Variants in LBR observed in about 807,000 individuals in gnomAD.
LBR encodes the protein delta(14)-sterol reductase LBR.
A neutral mutation model predicts 74.3 loss-of-function variants in LBR; 28 were observed. The observed-to-expected ratio is 0.38, with a 90% CI of 0.28 to 0.52. The LOEUF is 0.52. Among genes scored for constraint, LBR ranks in the 20% least tolerant of loss-of-function variants. The pLI is 0.89. For synonymous variants in LBR, 228 were observed against 269.3 expected (o/e 0.85, Z 1.50); for missense variants, 717 against 760.3 (o/e 0.94, Z 0.67).
chr1:225,414,557 G>A (rs3766929), intron 7 of LBR, among the ~76,000 whole-genome samples: 103,671 of 152,012 alleles, frequency 0.68, 37,923 homozygotes, highest in East Asian at 0.89. Context: ...CCCACAGGGA[G>A]CAAGGTCTAT....
Position 225,415,333 on chromosome 1 carries a change from CT to C in LBR, c.838-2del. ...CAATAAGAGGCGTTCCTTCTACAAC[CT>C]TAAAAGAAAAAAAATTTACAAATTT... On this transcript the variant is annotated splice_acceptor_variant, in intron 6 of 13. Coordinates refer to ENST00000272163, the MANE Select transcript of LBR (RefSeq NM_002296.4). LOFTEE classifies it high-confidence loss of function. 1 of 1,575,698 alleles carries C rather than the reference CT, an allele frequency of 6.3e-7. No homozygotes were observed. Among genetic ancestry groups the C allele is most frequent in the Non-Finnish European group, 8.7e-7 (1 of 1,149,080 alleles).
At chr1:225,407,369 A>G (rs1354646289) in intron 10 of LBR, among the ~76,000 whole-genome samples, 1 of 152,224 alleles carries the variant, frequency 6.6e-6, no homozygotes, top group Non-Finnish European at 1.5e-5. Flanking sequence ...AAGGAATAAG[A>G]TCACCAACTC....
chr1:225,419,780 T>A lies in LBR; in HGVS notation c.385A>T (p.Ile129Phe). 1.2e-6 allele frequency: 2 copies of A among 1,610,838 alleles called. No homozygotes were observed. The highest frequency in any genetic ancestry group is 1.7e-6 in the Non-Finnish European group (2 of 1,177,316). Residue 129 changes from isoleucine (I) to phenylalanine (F), a missense_variant, in exon 4 of 14, where the codon ATC (isoleucine) becomes TTC (phenylalanine). Transcript: ENST00000272163. Reference protein sequence around the residue: ...PLILKPFGNSISRYNGEPEHI... With the variant: ...PLILKPFGNSFSRYNGEPEHI... Reference sequence around the variant, plus strand: ...TCAGGCTCCCCATTATATCTGCTGATGCTATTTCCAAATGGCTTCTAAATT... The same window carrying A: ...TCAGGCTCCCCATTATATCTGCTGAAGCTATTTCCAAATGGCTTCTAAATT...
At chr1:225,404,912 A>C (rs938458006) in intron 11 of LBR, among the ~76,000 whole-genome samples, 1 of 152,150 alleles carries the variant, frequency 6.6e-6, no homozygotes, top group African/African-American at 2.4e-5. Flanking sequence ...ATTCTTAAGA[A>C]CAACTCAAAA....
chr1:225,417,151 G>A (rs1408253675), intron 6 of LBR, among the ~76,000 whole-genome samples: 2 of 152,038 alleles, frequency 1.3e-5, no homozygotes, highest in Non-Finnish European at 2.9e-5. Context: ...AATGACTGAA[G>A]GTCTTTATCA....
At chr1:225,410,467 T>G in intron 9 of LBR, 51 bp from the exon 10 acceptor site, 1 of 1,597,252 alleles carries the variant, frequency 6.3e-7, no homozygotes, top group South Asian at 1.1e-5. Context: ...CCCAGAGACC[T>G]TAGCACTACA....
At chr1:225,426,870 G>A (rs2096140214) in intron 1 of LBR, among the ~76,000 whole-genome samples, 1 of 152,146 alleles carries the variant, frequency 6.6e-6, no homozygotes, top group African/African-American at 2.4e-5. Flanking sequence ...TTCCCCTCCT[G>A]CTCGTTCTTC....
At chr1:225,407,006 T>A (rs2096093348) in intron 10 of LBR, among the ~76,000 whole-genome samples, 174 bp from the exon 11 acceptor site, 1 of 152,200 alleles carries the variant, frequency 6.6e-6, no homozygotes. Flanking sequence ...CTTTCTGCTG[T>A]CACATTCTCC....
upstream of LBR, among the ~76,000 whole-genome samples, chr1:225,428,541 G>A (rs2096145898): frequency 6.6e-6 from 1 of 152,218 alleles, no homozygotes; most frequent in African/African-American, 2.4e-5. Flanking sequence ...TCCTTAGCGT[G>A]TTAAAATCCC....
chr1:225,409,430 G>A (rs114017755), intron 10 of LBR, among the ~76,000 whole-genome samples: 3,716 of 152,246 alleles, frequency 0.024, 66 homozygotes, highest in Non-Finnish European at 0.037. Context: ...CAGGGGTGGG[G>A]GAGATACATA....
rs2096083366 is a variant in LBR, at chr1:225,402,382, ATTCT to A, written c.*917_*920del. The A allele has an allele frequency of 6.6e-6, 1 of 152,284 alleles. No individual in the cohort carries two copies. Among genetic ancestry groups the A allele is most frequent in the African/African-American group, 2.4e-5 (1 of 41,464 alleles). 9.4% of individuals were successfully genotyped at this position (152,284 alleles called of 1,614,324 possible). A position where few individuals can be genotyped will look rare whatever the true frequency, so the allele number is the denominator to read the frequency against. On this transcript the variant is annotated 3_prime_UTR_variant, in exon 14 of 14. Transcript: ENST00000272163. The stretch of plus-strand genomic sequence containing the variant: ...GATGTTACTCCAAAAATATATACTT[ATTCT>A]ATTTTTTTTCTATTTGCAACAGTTT...
intron 2 of LBR, among the ~76,000 whole-genome samples, chr1:225,422,894 C>T (rs1163586896): frequency 6.6e-6 from 1 of 152,190 alleles, no homozygotes; most frequent in Non-Finnish European, 1.5e-5. Flanking sequence ...AACAGTATTT[C>T]CTGAAGTGTG....
chr1:225,409,356 A>G (rs1451574589), intron 10 of LBR, among the ~76,000 whole-genome samples: 1 of 152,242 alleles, frequency 6.6e-6, no homozygotes, highest in Non-Finnish European at 1.5e-5. Context: ...CAAACTTGCG[A>G]AGTTGTTCTG....
chr1:225,415,657 T>C (rs2096115723), intron 6 of LBR, among the ~76,000 whole-genome samples: 1 of 152,134 alleles, frequency 6.6e-6, no homozygotes, highest in Non-Finnish European at 1.5e-5. Context: ...TAAATACCTT[T>C]ATATCTAGTG....
At chr1:225,424,894 AGACAGTAATGCCGCTCCATCGGCT>A (rs1390372481) in intron 1 of LBR, among the ~76,000 whole-genome samples, 7 of 152,218 alleles carry the variant, frequency 4.6e-5, no homozygotes, top group Non-Finnish European at 1.0e-4. Flanking sequence ...TCCAGCTGCC[AGACAGTAATGCCGCTCCATCGGCT>A]GACCAGCGGA....
chr1:225,423,086 G>A (rs1215434566), intron 2 of LBR, among the ~76,000 whole-genome samples: 4 of 152,240 alleles, frequency 2.6e-5, no homozygotes, highest in Admixed American at 6.5e-5. Flanking sequence ...AGAAATGCTC[G>A]TTACTAATCT....
At chr1:225,417,302 A>G (rs1345968781) in intron 6 of LBR, among the ~76,000 whole-genome samples, 1 of 152,230 alleles carries the variant, frequency 6.6e-6, no homozygotes, top group Non-Finnish European at 1.5e-5. Context: ...CAAAGCCCTA[A>G]GAATAAGATC....
chr1:225,414,001 G>A (rs2096111685), intron 7 of LBR: 1 of 456,712 alleles, frequency 2.2e-6, no homozygotes, highest in South Asian at 1.5e-5. Flanking sequence ...GAAATCAAAG[G>A]ACCTGGCGGC....
intron 6 of LBR, chr1:225,417,770 T>C (rs2096120339): frequency 1.8e-6 from 1 of 551,366 alleles, no homozygotes; most frequent in Non-Finnish European, 3.2e-6. Flanking sequence ...ACAAGAGAAA[T>C]GGCTTCATGA....
Sources: allele counts gnomAD v4.1 joint callset (sites outside exome capture counted in the v4.1 genomes callset), GRCh38; gene constraint gnomAD v4.1.1; transcripts MANE v1.5; gene names NCBI Gene and HGNC (gene_info 2026-07-23, HGNC 2026-07-21).